MTR: variants seen among roughly 807,000 people sequenced by gnomAD.
The protein encoded by MTR is methionine synthase.
Under a neutral mutation model 154.8 loss-of-function variants are expected in MTR, and 84 were observed. The observed-to-expected ratio is 0.54, with a 90% confidence interval of 0.45 to 0.65. The LOEUF (loss-of-function observed/expected upper bound fraction) is 0.65. Among genes scored for constraint, MTR ranks in the 30% least tolerant of loss-of-function variants. The pLI is 0.00. For synonymous variants in MTR, 554 were observed against 553.9 expected (o/e 1.00, Z 0.00); for missense variants, 1,275 against 1,570.2 (o/e 0.81, Z 3.18).
At chr1:236,835,725 G>A (rs1267332904) in intron 14 of MTR, 38 bp downstream of exon 14, 4 of 1,613,032 alleles carry the variant, frequency 2.5e-6, no homozygotes, top group Admixed American at 3.3e-5. Flanking sequence ...GGATTTACTT[G>A]TCTCACTTTG....
chr1:236,852,907 G>T, intron 17 of MTR, 41 bp from the exon 18 acceptor site: 1 of 1,611,458 alleles, frequency 6.2e-7, no homozygotes, highest in Non-Finnish European at 8.5e-7. Flanking sequence ...CTGACTTAAG[G>T]TATCACTGTA....
chr1:236,820,624 G>A (rs1364964772), intron 8 of MTR: 6 of 541,476 alleles, frequency 1.1e-5, no homozygotes, highest in Admixed American at 9.5e-5. Context: ...AACATTCATG[G>A]CAGGTTTTTG....
chr1:236,854,999 T>C (rs956573431), intron 18 of MTR, among the ~76,000 whole-genome samples: 5 of 152,216 alleles, frequency 3.3e-5, no homozygotes, highest in Non-Finnish European at 7.3e-5. Context: ...TCAGGGAGAC[T>C]GTCTGCCTTC....
intron 22 of MTR, among the ~76,000 whole-genome samples, chr1:236,871,873 C>G (rs991213896): frequency 6.6e-6 from 1 of 151,810 alleles, no homozygotes; most frequent in Non-Finnish European, 1.5e-5. Context: ...AATATGAGTA[C>G]AAGCTAAAAA....
At chr1:236,827,085 A>G (rs1312165756) in intron 11 of MTR, among the ~76,000 whole-genome samples, 189 bp downstream of exon 11, 1 of 152,224 alleles carries the variant, frequency 6.6e-6, no homozygotes, top group African/African-American at 2.4e-5. Context: ...CTAAGGTAAA[A>G]TGTCATACAG....
At chr1:236,886,725 T>C (rs776014030) in intron 27 of MTR, among the ~76,000 whole-genome samples, 1 of 152,208 alleles carries the variant, frequency 6.6e-6, no homozygotes, top group South Asian at 2.1e-4. Flanking sequence ...AGCCATGCTC[T>C]TTCCTCTGTG....
intron 15 of MTR, among the ~76,000 whole-genome samples, chr1:236,848,739 C>T (rs1663730307): frequency 6.6e-6 from 1 of 152,094 alleles, no homozygotes; most frequent in South Asian, 2.1e-4. Context: ...CACTTCCCTC[C>T]CAAGTAGAGG....
intron 15 of MTR, among the ~76,000 whole-genome samples, chr1:236,849,997 T>G (rs1056365938): frequency 3.3e-5 from 5 of 152,290 alleles, no homozygotes; most frequent in East Asian, 3.9e-4. Flanking sequence ...TATGCATGTA[T>G]TTTTAGAAGC....
chr1:236,828,467 C>T (rs1020330770), intron 11 of MTR, among the ~76,000 whole-genome samples: 1 of 152,076 alleles, frequency 6.6e-6, no homozygotes, highest in Non-Finnish European at 1.5e-5. Flanking sequence ...ATGTTTGCTT[C>T]TTTTACTTAG....
chr1:236,859,796 G>A (rs1664413168), intron 18 of MTR, 37 bp from the exon 19 acceptor site: 1 of 1,500,896 alleles, frequency 6.7e-7, no homozygotes, highest in African/African-American at 1.4e-5. Flanking sequence ...GGTTAGTGAT[G>A]AGTTGTATCC....
chr1:236,830,110 T>C (rs1662525738), intron 12 of MTR, among the ~76,000 whole-genome samples: 1 of 152,064 alleles, frequency 6.6e-6, no homozygotes, highest in South Asian at 2.1e-4. Flanking sequence ...ACTCAGAACA[T>C]AGCACAGAAT....
rs1399406602 is a variant in MTR, at chr1:236,852,613, G to A, written c.1788G>A (p.Gly596=). 12 of 1,613,762 alleles carry A rather than the reference G, an allele frequency of 7.4e-6. No homozygotes were observed. The highest frequency in any genetic ancestry group is 1.0e-5 in the Non-Finnish European group (12 of 1,179,758). ...AAGCCATTCGAGAAGCAATGCATGG[G>A]GTTTTCCTTTACCATGCAATCAAGG... The part of the protein sequence containing the change: ...GMEAIREAMH[G]VFLYHAIKSG... The change falls in exon 17 of 33, where the codon GGG becomes GGA. Residue 596 remains glycine (G), a synonymous_variant. Coordinates refer to ENST00000366577, the MANE Select transcript of MTR (RefSeq NM_000254.3).
intron 16 of MTR, among the ~76,000 whole-genome samples, chr1:236,850,799 T>C (rs1663855037): frequency 6.6e-6 from 1 of 152,144 alleles, no homozygotes; most frequent in Non-Finnish European, 1.5e-5. Flanking sequence ...GCCAGTGCGC[T>C]CTAGCCTGGG....
In MTR at chr1:236,870,314, C is replaced by T. The variant is rs140836643; in HGVS notation, c.2406-3459C>T. Among the ~76,000 whole-genome samples, 244 of 152,334 alleles carry T rather than the reference C, an allele frequency of 1.6e-3. 7 individuals are homozygous for T. The East Asian group carries it at 0.04, about 25-fold the overall frequency. The stretch of plus-strand genomic sequence containing the variant: ...TGTTCTTGGTCGTTTTCTTACCTCA[C>T]TGATCTGTGGTTATGATTCTCTCCT... On this transcript the variant is annotated intron_variant, in intron 22 of 32. Transcript: ENST00000366577.
rs137950931 is a variant in MTR, at chr1:236,868,052, A to C, written c.2405+4498A>C. Among the ~76,000 whole-genome samples the C allele has an allele frequency of 4.1e-3, 618 of 152,342 alleles. 4 individuals are homozygous for C. Among genetic ancestry groups the C allele is most frequent in the African/African-American group, 0.014 (599 of 41,582 alleles). ...CAATTTTGAAAGAAGTTCTGTGAGT[A>C]AAACGCTATCAAACAGCATCACATG... is the stretch of plus-strand genomic sequence containing the variant. On this transcript the variant is annotated intron_variant, in intron 22 of 32. Transcript: ENST00000366577.
chr1:236,828,501 CAGTAG>C (rs1437533842), intron 11 of MTR, among the ~76,000 whole-genome samples: 2 of 152,050 alleles, frequency 1.3e-5, no homozygotes, highest in Non-Finnish European at 2.9e-5. Flanking sequence ...AATTTGGGGA[CAGTAG>C]AGTAGAGCAA....
At chr1:236,897,308 A>ATGCGCGCGCGCGCGCGCGCGCGCG (rs57608445) in intron 32 of MTR, among the ~76,000 whole-genome samples, 190 bp downstream of exon 32, 68 of 131,510 alleles carry the variant, frequency 5.2e-4, no homozygotes, top group East Asian at 2.0e-3. Context: ...AGCCACACAC[A>ATGCGCGCGCGCGCGCGCGCGCGCG]CGCACACACA....
intron 1 of MTR, among the ~76,000 whole-genome samples, chr1:236,798,810 A>G (rs1179474091): frequency 1.3e-5 from 2 of 152,208 alleles, no homozygotes; most frequent in Admixed American, 6.5e-5. Flanking sequence ...GATAAATACA[A>G]TTTTGTTGTT....
chr1:236,867,743 G>A (rs1176352261), intron 22 of MTR, among the ~76,000 whole-genome samples: 1 of 152,184 alleles, frequency 6.6e-6, no homozygotes, highest in African/African-American at 2.4e-5. Flanking sequence ...ATGACTTTGA[G>A]GGATTCAAGA....
Sources: gnomAD v4.1 joint callset for allele counts (sites outside exome capture counted in the v4.1 genomes callset) on GRCh38, gnomAD v4.1.1 for gene constraint, MANE v1.5 for transcripts, NCBI Gene and HGNC (gene_info 2026-07-23, HGNC 2026-07-21) for gene names.